Variants in KIF4A observed in about 807,000 individuals in gnomAD.
The protein encoded by KIF4A is chromosome-associated kinesin KIF4A.
In KIF4A, 7 loss-of-function variants were observed where a neutral mutation model predicts 105.9. That is an observed-to-expected ratio of 0.07 (90% CI 0.04 to 0.12). KIF4A has a LOEUF of 0.12. Among genes scored for constraint, KIF4A ranks in the 10% least tolerant of loss-of-function variants. KIF4A has a pLI of 1.00. For missense variants in KIF4A, 558 were observed against 929.2 expected (o/e 0.60, Z 5.19); for synonymous variants, 281 against 331.3 (o/e 0.85, Z 1.65).
intron 10 of KIF4A, among the ~76,000 whole-genome samples, chrX:70,335,698 A>T (rs1457372327): frequency 1.8e-5 from 2 of 111,892 alleles, no homozygotes; most frequent in Non-Finnish European, 3.8e-5. Context: ...AAAGTTAAAT[A>T]CTGGATGTTC....
chrX:70,296,059 G>GC (rs2085781816), intron 3 of KIF4A, among the ~76,000 whole-genome samples: 1 of 101,326 alleles, frequency 9.9e-6, no homozygotes, highest in Non-Finnish European at 2.0e-5. Context: ...TAACTATATT[G>GC]TGAACATCTT....
chrX:70,354,416 G>C (rs2086043158), intron 15 of KIF4A, among the ~76,000 whole-genome samples: 1 of 112,358 alleles, frequency 8.9e-6, no homozygotes, highest in South Asian at 3.7e-4. Flanking sequence ...TTCCTGTCCA[G>C]CTATATCCTA....
intron 7 of KIF4A, among the ~76,000 whole-genome samples, chrX:70,310,781 T>A (rs1223746302): frequency 1.8e-5 from 2 of 111,414 alleles, no homozygotes; most frequent in Non-Finnish European, 3.8e-5. Context: ...TCTTGAAGAT[T>A]TGATTTTCTA....
In KIF4A at chrX:70,415,289, CTTGT is replaced by C. The variant is rs765118024; in HGVS notation, c.3256-2592_3256-2589del. The C allele has an allele frequency of 7.6e-5, 19 of 250,485 alleles. No homozygotes were observed. In the East Asian group the frequency reaches 2.0e-3, roughly 26 times the overall value. The allele number at this position is 250,485 out of a possible 1,213,427, so 20.6% of individuals were successfully genotyped here. A position where few individuals can be genotyped will look rare whatever the true frequency, so the allele number is the denominator to read the frequency against. On this transcript the variant is annotated intron_variant, in intron 28 of 30. Transcript: ENST00000374403. ...AGTTTAGAAACGTGTAAGACAATTT[CTTGT>C]TTGTTTTTGTTTTTTTACAAAAACT...
intron 7 of KIF4A, among the ~76,000 whole-genome samples, chrX:70,306,663 A>G (rs753384715): frequency 5.4e-5 from 6 of 110,766 alleles, no homozygotes; most frequent in Admixed American, 1.9e-4. Context: ...TAGCCTCCCA[A>G]GTAAGTAGCT....
In KIF4A at chrX:70,405,832, A is replaced by C; in HGVS notation, c.2903A>C (p.Glu968Ala). The C allele has an allele frequency of 1.7e-6, 2 of 1,204,461 alleles. No homozygotes were observed. The highest frequency in any genetic ancestry group is 1.1e-6 in the Non-Finnish European group (1 of 888,912). Residue 968 changes from glutamate (E) to alanine (A), a missense_variant, in exon 26 of 31, where the codon GAA becomes GCA. By Grantham distance (107) the Glu-to-Ala change is moderately radical. Transcript: ENST00000374403. Reference sequence around the variant, plus strand: ...CACTGCACTATCTGGAAATAGGATGAAGAACTTGAGAAAATGCGAGAAGTG... The same window carrying C: ...CACTGCACTATCTGGAAATAGGATGCAGAACTTGAGAAAATGCGAGAAGTG... ...QLLSTLKCQD[E>A]ELEKMREVCE...
chrX:70,414,729 A>G (rs2086336430), intron 28 of KIF4A, among the ~76,000 whole-genome samples: 1 of 112,052 alleles, frequency 8.9e-6, no homozygotes, highest in Non-Finnish European at 1.9e-5. Flanking sequence ...GTCATTTTAG[A>G]TGGCAGAATT....
chrX:70,290,302 G>C, intron 1 of KIF4A, 136 bp from the exon 2 acceptor site: 1 of 772,339 alleles, frequency 1.3e-6, no homozygotes. Flanking sequence ...GGGCGGTCCA[G>C]CCCTGGCCAA....
At chrX:70,333,890 T>C (rs1164752839) in intron 10 of KIF4A, among the ~76,000 whole-genome samples, 2 of 112,160 alleles carry the variant, frequency 1.8e-5, no homozygotes, top group African/African-American at 6.5e-5. Flanking sequence ...AATTTATTAA[T>C]TGGAATTCTA....
At chrX:70,324,817 T>C (rs2085904638) in intron 7 of KIF4A, among the ~76,000 whole-genome samples, 1 of 111,846 alleles carries the variant, frequency 8.9e-6, no homozygotes, top group African/African-American at 3.2e-5. Flanking sequence ...GGTCTCACTC[T>C]GTCGCCTAGG....
chrX:70,309,002 C>T (rs991708637), intron 7 of KIF4A, among the ~76,000 whole-genome samples: 1 of 112,076 alleles, frequency 8.9e-6, no homozygotes, highest in African/African-American at 3.2e-5. Context: ...CTTGTTTATT[C>T]CTATTTTGGT....
intron 27 of KIF4A, among the ~76,000 whole-genome samples, chrX:70,406,650 A>G (rs1196388532): frequency 9.0e-6 from 1 of 111,419 alleles, no homozygotes; most frequent in African/African-American, 3.3e-5. Flanking sequence ...TCATCATATC[A>G]TGAGTTTCCC....
chrX:70,290,905 A>G, intron 3 of KIF4A, 100 bp downstream of exon 3: 1 of 541,510 alleles, frequency 1.8e-6, no homozygotes, highest in Non-Finnish European at 3.1e-6. Context: ...GGAATCGATG[A>G]ATCATGATTC....
intron 10 of KIF4A, among the ~76,000 whole-genome samples, chrX:70,335,722 G>A (rs2085947867): frequency 9.0e-6 from 1 of 111,719 alleles, no homozygotes; most frequent in Non-Finnish European, 1.9e-5. Context: ...CTTACAAGTG[G>A]GAGCCAAATA....
At chrX:70,332,652 AAT>A (rs903579251) in intron 9 of KIF4A, among the ~76,000 whole-genome samples, 2 of 111,282 alleles carry the variant, frequency 1.8e-5, no homozygotes, top group Non-Finnish European at 3.8e-5. Context: ...TTTTAATCTG[AAT>A]AGGAAGGATC....
intron 11 of KIF4A, among the ~76,000 whole-genome samples, chrX:70,342,241 C>T (rs1175493667): frequency 8.9e-6 from 1 of 112,029 alleles, no homozygotes; most frequent in Non-Finnish European, 1.9e-5. Flanking sequence ...CACCTTAAAT[C>T]CTGCCTAATC....
At chrX:70,349,495 C>A (rs372787504) in intron 13 of KIF4A, among the ~76,000 whole-genome samples, 3 of 88,857 alleles carry the variant, frequency 3.4e-5, no homozygotes, top group African/African-American at 1.3e-4. Flanking sequence ...TCTTCCCAGA[C>A]GGGGCGGCTG....
chrX:70,386,743 T>C (rs750024759), intron 19 of KIF4A, 42 bp downstream of exon 19: 1 of 995,575 alleles, frequency 1.0e-6, no homozygotes, highest in Non-Finnish European at 1.4e-6. Context: ...ATTGTCATCT[T>C]CAGGTTTAAA....
intron 18 of KIF4A, among the ~76,000 whole-genome samples, chrX:70,384,863 C>A (rs2086211739): frequency 9.4e-6 from 1 of 106,577 alleles, no homozygotes; most frequent in South Asian, 4.3e-4. Flanking sequence ...GTCATCCAGG[C>A]TGGAGTACAA....
Sources: allele counts gnomAD v4.1 joint callset (sites outside exome capture counted in the v4.1 genomes callset), GRCh38; gene constraint gnomAD v4.1.1; transcripts MANE v1.5; gene names NCBI Gene and HGNC (gene_info 2026-07-23, HGNC 2026-07-21).